Variants in CCDC38 observed in about 807,000 individuals in gnomAD.
CCDC38 encodes the protein coiled-coil domain-containing protein 38.
Under a neutral mutation model 72.8 loss-of-function variants are expected in CCDC38, and 69 were observed. That is an observed-to-expected ratio of 0.95 (90% CI 0.78 to 1.16). The LOEUF (loss-of-function observed/expected upper bound fraction) is 1.16, where lower values mean the gene tolerates loss of function less well. Ranked by LOEUF, CCDC38 falls within the 50% of genes most tolerant of loss-of-function variation. The probability of loss-of-function intolerance (pLI) is 0.00; values close to 1 mark genes in which losing one functional copy is unlikely to be tolerated. For missense variants in CCDC38, 626 were observed against 638.9 expected (o/e 0.98, Z 0.22); for synonymous variants, 201 against 213.2 (o/e 0.94, Z 0.50).
upstream of CCDC38, chr12:95,942,719 C>T (rs1245330072): frequency 6.6e-6 from 1 of 152,430 alleles, no homozygotes; most frequent in African/African-American, 2.4e-5. Flanking sequence ...GTCCCGGGCT[C>T]CCGCCCCAGA....
chr12:95,883,349 T>G (rs1352430698), intron 10 of CCDC38, among the ~76,000 whole-genome samples: 1 of 152,168 alleles, frequency 6.6e-6, no homozygotes, highest in Non-Finnish European at 1.5e-5. Flanking sequence ...ACAGGCTGCT[T>G]AGGTAGATAG....
chr12:95,922,775 A>G (rs903955931), intron 2 of CCDC38, among the ~76,000 whole-genome samples: 6 of 152,200 alleles, frequency 3.9e-5, no homozygotes, highest in African/African-American at 1.4e-4. Context: ...GGACAGCAGA[A>G]GTGTAGACGA....
At chr12:95,936,335 C>G (rs1192200696) in intron 2 of CCDC38, 138 bp downstream of exon 2, 1 of 727,394 alleles carries the variant, frequency 1.4e-6, no homozygotes, top group African/African-American at 1.8e-5. Flanking sequence ...AGAACAGAAT[C>G]TTCTCTGCAG....
At chr12:95,923,331 G>A (rs2080229213) in intron 2 of CCDC38, among the ~76,000 whole-genome samples, 1 of 152,022 alleles carries the variant, frequency 6.6e-6, no homozygotes, top group South Asian at 2.1e-4. Context: ...GCCTAATACA[G>A]TGGTGTTTAC....
chr12:95,882,257 G>A (rs1036523945), intron 10 of CCDC38, among the ~76,000 whole-genome samples: 1 of 152,134 alleles, frequency 6.6e-6, no homozygotes, highest in Non-Finnish European at 1.5e-5. Flanking sequence ...TGATGGCAAC[G>A]ATGAGTAAGT....
intron 2 of CCDC38, chr12:95,935,065 A>G (rs2080378836): frequency 6.6e-6 from 1 of 152,130 alleles, no homozygotes; most frequent in Non-Finnish European, 1.5e-5. Flanking sequence ...ACCCTTTCCA[A>G]TGGACATTAT....
chr12:95,883,422 C>T lies in CCDC38; in HGVS notation c.921-1868G>A, dbSNP rs562983556. 7.9e-5 allele frequency among the ~76,000 whole-genome samples: 12 copies of T among 152,244 alleles called. No individual in the cohort carries two copies. In the South Asian group the frequency reaches 2.5e-3, roughly 32 times the overall value. ...ACTCCTTGAGCCTCTCCCCCTTTTA[C>T]CCAGAATGATAAACCTGCCATTCTG... On this transcript the variant is annotated intron_variant, in intron 10 of 15. Coordinates refer to ENST00000344280, the MANE Select transcript of CCDC38 (RefSeq NM_182496.3).
At chr12:95,919,852 G>A (rs571814908) in intron 2 of CCDC38, among the ~76,000 whole-genome samples, 141 of 152,300 alleles carry the variant, frequency 9.3e-4, no homozygotes, top group Admixed American at 1.5e-3. Context: ...TGGAGAGCAT[G>A]TGGAGAAATT....
chr12:95,920,193 G>A (rs1252892718), intron 2 of CCDC38, among the ~76,000 whole-genome samples: 3 of 152,092 alleles, frequency 2.0e-5, no homozygotes, highest in East Asian at 1.9e-4. Flanking sequence ...TAATTGAATC[G>A]TGTTGAGGGG....
At chr12:95,921,343 T>C (rs1343790416) in intron 2 of CCDC38, among the ~76,000 whole-genome samples, 1 of 152,166 alleles carries the variant, frequency 6.6e-6, no homozygotes, top group East Asian at 1.9e-4. Flanking sequence ...ATTTTCACAC[T>C]GCTATAAAGA....
At chr12:95,908,447 GGGA>G (rs1451698031) in intron 4 of CCDC38, among the ~76,000 whole-genome samples, 1 of 29,074 alleles carries the variant, frequency 3.4e-5, no homozygotes, top group Non-Finnish European at 6.7e-5. Context: ...CGTGGAAAGA[GGGA>G]GAGGGAGAGG....
chr12:95,873,596 C>G (rs540296607), intron 13 of CCDC38, among the ~76,000 whole-genome samples: 1 of 152,310 alleles, frequency 6.6e-6, no homozygotes, highest in South Asian at 2.1e-4. Flanking sequence ...CCATTGTGAA[C>G]CCGGTGTTTG....
chr12:95,924,323 T>C (rs1183873091), intron 2 of CCDC38, among the ~76,000 whole-genome samples: 8 of 148,024 alleles, frequency 5.4e-5, no homozygotes, highest in African/African-American at 2.0e-4. Flanking sequence ...ATGTGTTTTT[T>C]GGCTGCATAA....
intron 4 of CCDC38, among the ~76,000 whole-genome samples, chr12:95,906,802 T>C (rs1216065925): frequency 3.1e-3 from 2 of 642 alleles, no homozygotes; most frequent in Admixed American, 0.023. Flanking sequence ...AGATTTCTTT[T>C]TATTTATTTA....
intron 8 of CCDC38, 113 bp downstream of exon 8, chr12:95,894,876 A>G (rs759787984): frequency 5.0e-5 from 44 of 875,848 alleles, no homozygotes; most frequent in Non-Finnish European, 6.0e-5. Flanking sequence ...GATAGTGAAA[A>G]TCTTAGTTTA....
At chr12:95,906,836 G>C (rs12824886) in intron 4 of CCDC38, among the ~76,000 whole-genome samples, 7 of 127,252 alleles carry the variant, frequency 5.5e-5, no homozygotes, top group African/African-American at 2.0e-4. Flanking sequence ...TTATTTGTTT[G>C]TTTTTTATTG....
intron 10 of CCDC38, among the ~76,000 whole-genome samples, chr12:95,883,623 A>G (rs961119698): frequency 2.6e-5 from 4 of 152,102 alleles, no homozygotes; most frequent in African/African-American, 9.7e-5. Flanking sequence ...GTTGAGTCCT[A>G]CCTTTGCATG....
Position 95,867,116 on chromosome 12 carries a change from G to T in CCDC38, c.1652C>A (p.Thr551Lys), listed in dbSNP as rs142643966. The change falls in exon 16 of 16, where the codon ACA (threonine) becomes AAA (lysine). Residue 551 changes from threonine to lysine, a missense_variant. Physicochemically the swap from Thr to Lys is moderately conservative, Grantham distance 78. Transcript: ENST00000344280. ...TTCTTCCTCTTGTGATTTTGTTTTTGTTTCATTGACTAAAGGTAGCTGCTG... is the reference window on the plus strand; with the variant it reads ...TTCTTCCTCTTGTGATTTTGTTTTTTTTTCATTGACTAAAGGTAGCTGCTG... ...NKQQLPLVNE[T>K]KTKSQEEEYF... 1 of 1,606,768 alleles carries T rather than the reference G, an allele frequency of 6.2e-7. No individual in the cohort carries two copies. The highest frequency in any genetic ancestry group is 8.5e-7 in the Non-Finnish European group (1 of 1,175,874).
At chr12:95,901,503 T>A (rs1271455362) in intron 5 of CCDC38, among the ~76,000 whole-genome samples, 1 of 152,080 alleles carries the variant, frequency 6.6e-6, no homozygotes, top group Non-Finnish European at 1.5e-5. Context: ...TTCGAAGACA[T>A]GAGCCTGAAG....
Sources: allele counts gnomAD v4.1 joint callset (sites outside exome capture counted in the v4.1 genomes callset), GRCh38; gene constraint gnomAD v4.1.1; transcripts MANE v1.5; gene names NCBI Gene and HGNC (gene_info 2026-07-23, HGNC 2026-07-21).